The following SLC9A9 variants were observed in gnomAD, a reference collection of about 807,000 sequenced individuals.
The protein encoded by SLC9A9 is solute carrier family 9 member A9.
In SLC9A9, 62 loss-of-function variants were observed where a neutral mutation model predicts 77.8. That is an observed-to-expected ratio of 0.80 (90% CI 0.65 to 0.98). SLC9A9 has a LOEUF of 0.98. SLC9A9 is among the 50% of genes least tolerant of loss of function. The pLI is 0.00. For synonymous variants in SLC9A9, 320 were observed against 283.5 expected, an observed-to-expected ratio of 1.13 and a Z score of -1.29; for missense variants, 775 against 774.9, an observed-to-expected ratio of 1.00 and a Z score of 0.00.
At chr3:143,780,484 C>T (rs116779390) in intron 4 of SLC9A9, among the ~76,000 whole-genome samples, 2,917 of 152,218 alleles carry the variant, frequency 0.019, 74 homozygotes, top group African/African-American at 0.053. Flanking sequence ...AAAGTTTTTA[C>T]GCAATCATTG....
chr3:143,537,047 G>T (rs2036601723), intron 9 of SLC9A9, among the ~76,000 whole-genome samples: 2 of 152,230 alleles, frequency 1.3e-5, no homozygotes, highest in South Asian at 2.1e-4. Flanking sequence ...TCAGCATGTG[G>T]TTTCCCCTTG....
intron 2 of SLC9A9, among the ~76,000 whole-genome samples, chr3:143,823,319 G>T (rs1175886666): frequency 2.6e-5 from 4 of 152,220 alleles, no homozygotes; most frequent in Non-Finnish European, 5.9e-5. Context: ...GTGGGGGAAT[G>T]TCAGGTGGAG....
chr3:143,721,781 A>G (rs1329593866), intron 4 of SLC9A9, among the ~76,000 whole-genome samples: 1 of 152,166 alleles, frequency 6.6e-6, no homozygotes, highest in Non-Finnish European at 1.5e-5. Flanking sequence ...GAAGGAGAAA[A>G]ATAGCCACAT....
chr3:143,619,531 T>C (rs143031302), intron 6 of SLC9A9, among the ~76,000 whole-genome samples: 1 of 152,338 alleles, frequency 6.6e-6, no homozygotes, highest in Non-Finnish European at 1.5e-5. Flanking sequence ...TTTTATTTTG[T>C]GTAATGCATG....
At chr3:143,461,724 A>G (rs2035196757) in intron 12 of SLC9A9, among the ~76,000 whole-genome samples, 2 of 152,220 alleles carry the variant, frequency 1.3e-5, no homozygotes, top group Admixed American at 1.3e-4. Context: ...TAATATAACA[A>G]TGAAGCAAAC....
intron 14 of SLC9A9, chr3:143,344,614 G>A (rs1010466273): frequency 6.6e-6 from 1 of 152,126 alleles, no homozygotes; most frequent in East Asian, 1.9e-4. Flanking sequence ...TAGTCCATTT[G>A]GACCTTTTGA....
chr3:143,385,388 C>T (rs1322052756), intron 12 of SLC9A9, among the ~76,000 whole-genome samples: 1 of 152,200 alleles, frequency 6.6e-6, no homozygotes, highest in Non-Finnish European at 1.5e-5. Context: ...GACCAACTCC[C>T]ATTGCCTTGG....
chr3:143,478,510 G>C (rs1213454446), intron 11 of SLC9A9, among the ~76,000 whole-genome samples: 1 of 152,210 alleles, frequency 6.6e-6, no homozygotes, highest in Non-Finnish European at 1.5e-5. Flanking sequence ...CAGAGGCTTG[G>C]TCAGTCTGGG....
At chr3:143,753,496 G>C (rs1286009229) in intron 4 of SLC9A9, among the ~76,000 whole-genome samples, 1 of 152,196 alleles carries the variant, frequency 6.6e-6, no homozygotes, top group Non-Finnish European at 1.5e-5. Context: ...GCCAACAGAG[G>C]TCTTTCCCCT....
intron 9 of SLC9A9, among the ~76,000 whole-genome samples, chr3:143,529,290 T>G (rs1474894290): frequency 6.6e-6 from 1 of 152,164 alleles, no homozygotes; most frequent in African/African-American, 2.4e-5. Context: ...ATAAAAACAC[T>G]GGAGAGAGAA....
chr3:143,551,818 A>G (rs945980063), intron 9 of SLC9A9, among the ~76,000 whole-genome samples: 1 of 152,208 alleles, frequency 6.6e-6, no homozygotes, highest in African/African-American at 2.4e-5. Flanking sequence ...AGTAGCTAGC[A>G]TGGTGCTTGG....
intron 4 of SLC9A9, among the ~76,000 whole-genome samples, chr3:143,706,187 A>G (rs745656410): frequency 2.0e-5 from 3 of 152,184 alleles, no homozygotes; most frequent in African/African-American, 7.2e-5. Context: ...ACAAAACCCA[A>G]CAGACGAAAT....
intron 6 of SLC9A9, among the ~76,000 whole-genome samples, chr3:143,606,396 G>C (rs1167637466): frequency 8.9e-6 from 1 of 112,774 alleles, no homozygotes; most frequent in Non-Finnish European, 1.8e-5. Context: ...GGGCGAAAGA[G>C]TGAATCTCTC....
chr3:143,833,704 C>T (rs542432632), intron 1 of SLC9A9, among the ~76,000 whole-genome samples: 37 of 152,232 alleles, frequency 2.4e-4, no homozygotes, highest in African/African-American at 8.9e-4. Flanking sequence ...GCTGCTCAGC[C>T]AGGTGCTATG....
In SLC9A9 at chr3:143,713,592, T is replaced by C. The variant is rs139611522; in HGVS notation, c.534-20285A>G. ...AGAAATGGATGATTGTGAGAAGTAG[T>C]GAGCCTCCTTCCCTGAAGAAATTTA... On this transcript the variant is annotated intron_variant, in intron 4 of 15. Coordinates refer to ENST00000316549, the MANE Select transcript of SLC9A9 (RefSeq NM_173653.4). 5.5e-3 allele frequency among the ~76,000 whole-genome samples: 833 copies of C among 152,290 alleles called. 4 individuals carry two copies. The highest frequency in any genetic ancestry group is 0.017 in the African/African-American group (708 of 41,544).
intron 8 of SLC9A9, among the ~76,000 whole-genome samples, chr3:143,553,156 G>T (rs1048200236): frequency 6.6e-6 from 1 of 152,136 alleles, no homozygotes; most frequent in African/African-American, 2.4e-5. Context: ...CATCTGCAGG[G>T]TTTAGTTTTA....
chr3:143,292,750 GA>G (rs2030070589), intron 14 of SLC9A9, among the ~76,000 whole-genome samples: 1 of 152,114 alleles, frequency 6.6e-6, no homozygotes, highest in South Asian at 2.1e-4. Context: ...GGACACCTCG[GA>G]AGAGAGATAT....
At chr3:143,591,277 C>T (rs563431919) in intron 6 of SLC9A9, among the ~76,000 whole-genome samples, 1 of 152,316 alleles carries the variant, frequency 6.6e-6, no homozygotes, top group East Asian at 1.9e-4. Flanking sequence ...AATTTCACTT[C>T]GGTTCAAGTT....
chr3:143,669,985 G>A (rs527321146), intron 5 of SLC9A9, among the ~76,000 whole-genome samples: 3 of 152,204 alleles, frequency 2.0e-5, no homozygotes, highest in South Asian at 4.1e-4. Flanking sequence ...GTTTCTACTT[G>A]TTTTCCTTTA....
Sources: gnomAD v4.1 joint callset for allele counts (sites outside exome capture counted in the v4.1 genomes callset) on GRCh38, gnomAD v4.1.1 for gene constraint, MANE v1.5 for transcripts, NCBI Gene and HGNC (gene_info 2026-07-23, HGNC 2026-07-21) for gene names.